Variants in CPT1A observed in about 807,000 individuals in gnomAD.
The protein encoded by CPT1A is carnitine O-palmitoyltransferase 1, liver isoform.
In CPT1A, 64 loss-of-function variants were observed where a neutral mutation model predicts 100.8. The ratio of observed to expected loss-of-function variants is 0.63; its 90% CI spans 0.52 to 0.78. The LOEUF is 0.78. Among genes scored for constraint, CPT1A ranks in the 30% least tolerant of loss-of-function variants. CPT1A has a pLI of 0.00. For synonymous variants in CPT1A, 363 were observed against 396.0 expected (o/e 0.92, Z 0.99); for missense variants, 802 against 1,034.1 (o/e 0.78, Z 3.08).
At chr11:68,758,995 A>G (rs1946748315) in intron 18 of CPT1A, among the ~76,000 whole-genome samples, 1 of 152,122 alleles carries the variant, frequency 6.6e-6, no homozygotes, top group South Asian at 2.1e-4. Context: ...GAAGCCTGTA[A>G]TCCCAACACT....
At chr11:68,836,306 C>A (rs1311274281) in intron 1 of CPT1A, among the ~76,000 whole-genome samples, 1 of 151,294 alleles carries the variant, frequency 6.6e-6, no homozygotes, top group African/African-American at 2.4e-5. Flanking sequence ...TGAGGCCTGT[C>A]TCTACAAAAA....
intron 1 of CPT1A, among the ~76,000 whole-genome samples, chr11:68,821,394 C>T (rs561074731): frequency 1.3e-5 from 2 of 152,170 alleles, no homozygotes; most frequent in Non-Finnish European, 2.9e-5. Flanking sequence ...CTCAGGTGAT[C>T]CACCCGCCTC....
At chr11:68,837,374 C>G (rs970477371) in intron 1 of CPT1A, among the ~76,000 whole-genome samples, 2 of 152,216 alleles carry the variant, frequency 1.3e-5, no homozygotes, top group Admixed American at 6.5e-5. Context: ...CATCAGAACA[C>G]AGCGTTAGGA....
At position 68,824,140 on chromosome 11, in the gene CPT1A, T is replaced by C. The variant is rs1007825961; in HGVS notation, c.-13-8653A>G. Among the ~76,000 whole-genome samples, 6 of 147,798 alleles carry C rather than the reference T, an allele frequency of 4.1e-5. No individual in the cohort carries two copies. In the East Asian group the frequency reaches 8.2e-4, roughly 20 times the overall value. On this transcript the variant is annotated intron_variant, in intron 1 of 18. Transcript: ENST00000265641. ...GCAGACGCCTGTAATCCCAGCTACT[T>C]GGGAGGCTGAAGCAGGAGAATCGCT...
intron 14 of CPT1A, among the ~76,000 whole-genome samples, chr11:68,763,253 T>C (rs890264779): frequency 6.6e-5 from 10 of 151,768 alleles, no homozygotes; most frequent in African/African-American, 2.2e-4. Flanking sequence ...TGGAGGTGGG[T>C]CAGTTTCTAG....
At position 68,754,898 on chromosome 11, in the gene CPT1A, G is replaced by A. The variant is rs750988576; in HGVS notation, c.*2746C>T. The stretch of plus-strand genomic sequence containing the variant: ...GAAACAAATCTTGTAGTAGACTGGG[G>A]TTAATGTTTTATTAATGATAACCTA... On this transcript the variant is annotated 3_prime_UTR_variant, in exon 19 of 19. Transcript: ENST00000265641. The A allele has an allele frequency of 1.3e-6, 1 of 776,926 alleles. No homozygotes were observed. The highest frequency in any genetic ancestry group is 2.4e-6 in the Non-Finnish European group (1 of 415,430). The allele number at this position is 776,926 out of a possible 1,614,324, so 48.1% of individuals were successfully genotyped here.
chr11:68,756,992 T>A lies in CPT1A; in HGVS notation c.*652A>T, dbSNP rs1442581351. 4 of 154,726 alleles carry A rather than the reference T, an allele frequency of 2.6e-5. No individual in the cohort carries two copies. Among genetic ancestry groups the A allele is most frequent in the African/African-American group, 9.6e-5 (4 of 41,462 alleles). The allele number at this position is 154,726 out of a possible 1,614,324, so 9.6% of individuals were successfully genotyped here. A position where few individuals can be genotyped will look rare whatever the true frequency, so the allele number is the denominator to read the frequency against. On this transcript the variant is annotated 3_prime_UTR_variant, in exon 19 of 19. Coordinates refer to ENST00000265641, the MANE Select transcript of CPT1A (RefSeq NM_001876.4). ...TCTCCCTTACATTTAGGGCCTTTCA[T>A]TTTTAAGGCACTGGGTTGTGAAGAC...
intron 13 of CPT1A, 29 bp downstream of exon 13, chr11:68,775,287 G>A (rs367630439): frequency 1.9e-5 from 30 of 1,540,728 alleles, no homozygotes; most frequent in Admixed American, 3.3e-5. Flanking sequence ...TCCCAGGTAA[G>A]TAACAATGGT....
intron 3 of CPT1A, among the ~76,000 whole-genome samples, chr11:68,810,127 G>A (rs1311970227): frequency 6.6e-6 from 1 of 152,176 alleles, no homozygotes; most frequent in African/African-American, 2.4e-5. Context: ...GCAGTGTGCC[G>A]AGATCGCACC....
At chr11:68,779,116 C>T (rs1030839990) in intron 12 of CPT1A, among the ~76,000 whole-genome samples, 3 of 152,100 alleles carry the variant, frequency 2.0e-5, no homozygotes, top group Non-Finnish European at 4.4e-5. Flanking sequence ...CACACAAACC[C>T]GGCTCCATGC....
chr11:68,769,001 A>C, intron 14 of CPT1A, among the ~76,000 whole-genome samples: 1 of 152,182 alleles, frequency 6.6e-6, no homozygotes, highest in Non-Finnish European at 1.5e-5. Context: ...ATTCTTGGTA[A>C]GATTAAGCTT....
At chr11:68,799,520 C>CAGT (rs1855846155) in intron 5 of CPT1A, among the ~76,000 whole-genome samples, 165 bp from the exon 6 acceptor site, 1 of 151,910 alleles carries the variant, frequency 6.6e-6, no homozygotes, top group African/African-American at 2.4e-5. Context: ...AGGTCAAGGC[C>CAGT]AGTGGATTGC....
chr11:68,829,563 G>T (rs1457809655), intron 1 of CPT1A, among the ~76,000 whole-genome samples: 1 of 152,192 alleles, frequency 6.6e-6, no homozygotes, highest in African/African-American at 2.4e-5. Flanking sequence ...TTAAAAGGAA[G>T]AAATGAGAAA....
At chr11:68,761,745 G>T (rs997636765) in intron 15 of CPT1A, 58 bp from the exon 16 acceptor site, 3 of 1,595,576 alleles carry the variant, frequency 1.9e-6, no homozygotes, top group Non-Finnish European at 2.6e-6. Context: ...AGCAGTTACG[G>T]ATCTAAGTTA....
intron 10 of CPT1A, among the ~76,000 whole-genome samples, chr11:68,782,908 T>C (rs1855352912): frequency 6.6e-6 from 1 of 152,236 alleles, no homozygotes; most frequent in Non-Finnish European, 1.5e-5. Flanking sequence ...TCTGGCCCTA[T>C]CCAGAGGGGG....
chr11:68,841,044 C>T lies in CPT1A; in HGVS notation c.-14+731G>A, dbSNP rs1857147471. On this transcript the variant is annotated intron_variant, in intron 1 of 18. Transcript: ENST00000265641. This position sits in a 1 kb window ranked among gnomAD's most constrained non-coding sequence, Gnocchi z 6.3. Reference sequence around the variant, plus strand: ...TGCTCACGGCAGCGCTCGGACCGCGCCTGGAGTCCCTGCGCCAAGGGCGTG... The same window carrying T: ...TGCTCACGGCAGCGCTCGGACCGCGTCTGGAGTCCCTGCGCCAAGGGCGTG... 1.3e-5 allele frequency among the ~76,000 whole-genome samples: 2 copies of T among 152,258 alleles called. No homozygotes were observed. Among genetic ancestry groups the T allele is most frequent in the South Asian group, 4.1e-4 (2 of 4,838 alleles).
chr11:68,762,832 G>T (rs1239381023), intron 14 of CPT1A, 71 bp from the exon 15 acceptor site: 2 of 1,594,656 alleles, frequency 1.3e-6, no homozygotes, highest in Non-Finnish European at 1.7e-6. Context: ...GAAGGATTGG[G>T]TAAGATTGGC....
intron 15 of CPT1A, among the ~76,000 whole-genome samples, chr11:68,762,226 C>T (rs1211165071): frequency 6.6e-6 from 1 of 152,194 alleles, no homozygotes. Context: ...GCACTTGGGG[C>T]CCAGCGTGGC....
chr11:68,767,153 C>T (rs570192661), intron 14 of CPT1A, among the ~76,000 whole-genome samples: 104 of 152,304 alleles, frequency 6.8e-4, no homozygotes, highest in Non-Finnish European at 1.2e-3. Flanking sequence ...ATATGTGAAG[C>T]CATTCTTAGC....
Sources: gnomAD v4.1 joint callset for allele counts (sites outside exome capture counted in the v4.1 genomes callset) on GRCh38, gnomAD v4.1.1 for gene constraint, Gnocchi (gnomAD v3.1) non-coding constraint, MANE v1.5 for transcripts, NCBI Gene and HGNC (gene_info 2026-07-23, HGNC 2026-07-21) for gene names.